The following SHOC1 variants were observed in gnomAD, a reference collection of about 807,000 sequenced individuals.
SHOC1 encodes protein shortage in chiasmata 1 ortholog.
In SHOC1, 136 loss-of-function variants were observed where a neutral mutation model predicts 179.2. The observed-to-expected ratio is 0.76, with a 90% CI of 0.66 to 0.87. The LOEUF (loss-of-function observed/expected upper bound fraction) is 0.87. Ranked by LOEUF, SHOC1 falls within the 40% of genes least tolerant of loss-of-function variation. The pLI, the probability that SHOC1 is intolerant of heterozygous loss-of-function variation, is 0.00. For missense variants in SHOC1, 1,538 were observed against 1,700.8 expected (o/e 0.90, Z 1.68); for synonymous variants, 489 against 586.6 (o/e 0.83, Z 2.41).
chr9:111,741,495 C>G lies in SHOC1; in HGVS notation c.1155G>C (p.Leu385Phe). 1 of 1,610,822 alleles carries G rather than the reference C, an allele frequency of 6.2e-7. No homozygotes were observed. Among genetic ancestry groups the G allele is most frequent in the Non-Finnish European group, 8.5e-7 (1 of 1,177,816 alleles). ...MWQLERCRSP[L>F]NPFLLTVPRI... Reference sequence around the variant, plus strand: ...CTTTACCTGTAAGCAAAAATGGGTTCAAAGGGCTTCTACATCTTTCTAATT... The same window carrying G: ...CTTTACCTGTAAGCAAAAATGGGTTGAAAGGGCTTCTACATCTTTCTAATT... Residue 385 changes from leucine (L) to phenylalanine (F), a missense_variant, in exon 11 of 28, where the codon TTG becomes TTC. Leu to Phe is a conservative substitution (Grantham distance 22). Transcript: ENST00000682961.
intron 5 of SHOC1, chr9:111,759,472 T>C: frequency 2.4e-6 from 3 of 1,260,084 alleles, no homozygotes; most frequent in Non-Finnish European, 3.0e-6. Flanking sequence ...CTGGAATAAA[T>C]TTCTCCTCTC....
At chr9:111,776,084 C>A in intron 4 of SHOC1, 109 bp from the exon 5 acceptor site, 1 of 759,856 alleles carries the variant, frequency 1.3e-6, no homozygotes, top group South Asian at 1.8e-5. Context: ...CCAACAGACA[C>A]AGAGAAGAAA....
At position 111,786,692 on chromosome 9, in the gene SHOC1, T is replaced by C. The variant is rs149445601; in HGVS notation, c.46-657A>G. Among the ~76,000 whole-genome samples the C allele has an allele frequency of 1.8e-4, 28 of 152,238 alleles. 1 individual carries two copies. The East Asian group carries it at 3.5e-3, about 19-fold the overall frequency. ...TATGATAATCTGTGATCAGTGGTCTTTGATGTTAGTTACCATTGTAATTGT... is the reference window on the plus strand; with the variant it reads ...TATGATAATCTGTGATCAGTGGTCTCTGATGTTAGTTACCATTGTAATTGT... On this transcript the variant is annotated intron_variant, in intron 2 of 27. Coordinates refer to ENST00000682961, the MANE Select transcript of SHOC1 (RefSeq NM_001378211.1).
Position 111,714,498 on chromosome 9 carries a change from G to T in SHOC1, c.2362C>A (p.Gln788Lys). The T allele has an allele frequency of 6.2e-7, 1 of 1,613,778 alleles. No individual in the cohort carries two copies. Among genetic ancestry groups the T allele is most frequent in the Non-Finnish European group, 8.5e-7 (1 of 1,179,888 alleles). The stretch of plus-strand genomic sequence containing the variant: ...CTTAGTATCTGACATTGCAATTCTT[G>T]TATCTTGTAGTTGGTTTCAGGCTTT... ...GKKPETNYKI[Q>K]ELQCQILSWM... The change falls in exon 17 of 28, where the codon CAA becomes AAA. Residue 788 changes from glutamine to lysine, a missense_variant. Coordinates refer to ENST00000682961, the MANE Select transcript of SHOC1 (RefSeq NM_001378211.1).
chr9:111,691,865 G>A lies in SHOC1; in HGVS notation c.4112C>T (p.Pro1371Leu). 3.1e-6 allele frequency: 5 copies of A among 1,613,646 alleles called. No individual in the cohort carries two copies. The highest frequency in any genetic ancestry group is 3.4e-6 in the Non-Finnish European group (4 of 1,179,870). The change falls in exon 27 of 28, where the codon CCG becomes CTG. Residue 1371 changes from proline (P) to leucine (L), a missense_variant. Physicochemically the swap from Pro to Leu is moderately conservative, Grantham distance 98. Transcript: ENST00000682961. Reference protein sequence around the residue: ...KKNIWEQENHPFNLQYGAQQT... With the variant: ...KKNIWEQENHLFNLQYGAQQT... ...CTGTGCACCATATTGTAAGTTGAACGGGTGATTCTCTTGTTCCCATATATT... is the reference window on the plus strand; with the variant it reads ...CTGTGCACCATATTGTAAGTTGAACAGGTGATTCTCTTGTTCCCATATATT...
At position 111,781,740 on chromosome 9, in the gene SHOC1, A is replaced by AT. The variant is rs1484012596; in HGVS notation, c.170-724dup. Among the ~76,000 whole-genome samples, 19 of 150,838 alleles carry AT rather than the reference A, an allele frequency of 1.3e-4. 1 individual carries two copies. Among genetic ancestry groups the AT allele is most frequent in the African/African-American group, 4.1e-4 (17 of 41,202 alleles). On this transcript the variant is annotated intron_variant, in intron 3 of 27. Transcript: ENST00000682961. Reference sequence around the variant, plus strand: ...TGAGACTCTGTAAATAAATAAATAAATAAATAAATAAATTTGTATGTGTAC... The same window carrying AT: ...TGAGACTCTGTAAATAAATAAATAAATTAAATAAATAAATTTGTATGTGTAC...
intron 5 of SHOC1, 93 bp downstream of exon 5, chr9:111,775,698 A>T (rs440164): frequency 0.57 from 553,828 of 974,386 alleles, 162,429 homozygotes; most frequent in East Asian, 0.91. Flanking sequence ...TTAATAAAAA[A>T]TTTTTTATTC....
chr9:111,757,794 T>A (rs943954013), intron 7 of SHOC1, among the ~76,000 whole-genome samples: 1 of 152,232 alleles, frequency 6.6e-6, no homozygotes, highest in African/African-American at 2.4e-5. Context: ...TTGATTACAA[T>A]TATTGGAAGA....
intron 6 of SHOC1, among the ~76,000 whole-genome samples, chr9:111,758,441 C>T (rs1305304342): frequency 6.6e-6 from 1 of 152,128 alleles, no homozygotes; most frequent in African/African-American, 2.4e-5. Context: ...ACTAAAAATA[C>T]AAAAATTAGC....
chr9:111,706,812 A>C, intron 19 of SHOC1, 66 bp from the exon 20 acceptor site: 1 of 1,122,264 alleles, frequency 8.9e-7, no homozygotes, highest in South Asian at 2.2e-5. Flanking sequence ...GAACTATTAA[A>C]AGATGACTGT....
chr9:111,755,463 ATAT>A (rs1239448354), intron 8 of SHOC1, among the ~76,000 whole-genome samples: 1 of 152,096 alleles, frequency 6.6e-6, no homozygotes, highest in African/African-American at 2.4e-5. Flanking sequence ...TTCCTCCATG[ATAT>A]TATATATCTT....
chr9:111,708,201 T>TA (rs34165154), intron 18 of SHOC1, among the ~76,000 whole-genome samples: 8,597 of 151,480 alleles, frequency 0.057, 619 homozygotes, highest in African/African-American at 0.17. Flanking sequence ...AATTTTTATT[T>TA]TTTATTTTTT....
intron 13 of SHOC1, 63 bp from the exon 14 acceptor site, chr9:111,723,974 CTTAA>C: frequency 8.0e-7 from 1 of 1,251,470 alleles, no homozygotes; most frequent in South Asian, 1.5e-5. Context: ...GTTGTTTTAC[CTTAA>C]TTTTTTTTCT....
At chr9:111,789,238 G>A (rs1439560408) in intron 2 of SHOC1, among the ~76,000 whole-genome samples, 1 of 151,684 alleles carries the variant, frequency 6.6e-6, no homozygotes, top group East Asian at 1.9e-4. Flanking sequence ...GATTACTTAA[G>A]GTAATTTATA....
chr9:111,693,333 C>T (rs1046029834), intron 26 of SHOC1, among the ~76,000 whole-genome samples: 4 of 146,402 alleles, frequency 2.7e-5, no homozygotes, highest in African/African-American at 1.0e-4. Flanking sequence ...TACTGTAATC[C>T]CAGCACTTTG....
chr9:111,718,108 T>C (rs190374740), intron 16 of SHOC1, 76 bp downstream of exon 16: 458 of 1,045,642 alleles, frequency 4.4e-4, no homozygotes, highest in Non-Finnish European at 1.1e-4. Flanking sequence ...AAGGTGTATC[T>C]TTTTCAGAAA....
At chr9:111,746,450 G>A in intron 9 of SHOC1, 108 bp from the exon 10 acceptor site, 2 of 618,600 alleles carry the variant, frequency 3.2e-6, no homozygotes, top group East Asian at 3.0e-5. Context: ...TGAGGTAGGA[G>A]GATCACTTGA....
intron 18 of SHOC1, among the ~76,000 whole-genome samples, chr9:111,708,541 A>G (rs17343065): frequency 0.075 from 11,349 of 152,110 alleles, 622 homozygotes; most frequent in South Asian, 0.2. Flanking sequence ...ACACTCACCA[A>G]TCCTGTGCAG....
At chr9:111,757,530 G>A (rs945851) in intron 7 of SHOC1, among the ~76,000 whole-genome samples, 129,420 of 152,274 alleles carry the variant, frequency 0.85, 55,555 homozygotes, top group African/African-American at 0.96. Flanking sequence ...CTGATATTAT[G>A]ACCATTTTGT....
Sources: gnomAD v4.1 joint callset for allele counts (sites outside exome capture counted in the v4.1 genomes callset) on GRCh38, gnomAD v4.1.1 for gene constraint, MANE v1.5 for transcripts, NCBI Gene and HGNC (gene_info 2026-07-23, HGNC 2026-07-21) for gene names.